Variants in ATF7IP2 observed in about 807,000 individuals in gnomAD.
The protein encoded by ATF7IP2 is activating transcription factor 7 interacting protein 2.
A neutral mutation model predicts 64.2 loss-of-function variants in ATF7IP2; 42 were observed. That is an observed-to-expected ratio of 0.65 (90% CI 0.51 to 0.85). The LOEUF is 0.85. Among genes scored for constraint, ATF7IP2 ranks in the 40% least tolerant of loss-of-function variants. The pLI, the probability that ATF7IP2 is intolerant of heterozygous loss-of-function variation, is 0.00. For missense variants in ATF7IP2, 933 were observed against 784.2 expected (o/e 1.19, Z -2.27); for synonymous variants, 308 against 272.8 (o/e 1.13, Z -1.27).
intron 2 of ATF7IP2, among the ~76,000 whole-genome samples, chr16:10,415,399 T>C (rs1181532690): frequency 6.6e-6 from 1 of 152,214 alleles, no homozygotes; most frequent in Non-Finnish European, 1.5e-5. Flanking sequence ...CTTCAATAAA[T>C]GGTGCTGGGA....
chr16:10,415,520 A>G (rs2047854575), intron 2 of ATF7IP2, among the ~76,000 whole-genome samples: 2 of 152,250 alleles, frequency 1.3e-5, no homozygotes, highest in Admixed American at 1.3e-4. Context: ...TGAAACTGCT[A>G]GAAGAAATCA....
intron 8 of ATF7IP2, among the ~76,000 whole-genome samples, chr16:10,451,913 C>A (rs1468444516): frequency 6.6e-6 from 1 of 151,940 alleles, no homozygotes; most frequent in Non-Finnish European, 1.5e-5. Context: ...AGTAGCTGGG[C>A]GTGGTGGTGC....
chr16:10,459,652 A>G (rs573633405), intron 9 of ATF7IP2, among the ~76,000 whole-genome samples: 3 of 152,286 alleles, frequency 2.0e-5, no homozygotes, highest in African/African-American at 7.2e-5. Context: ...ATCTCAAAAA[A>G]TAAAATAAAT....
intron 1 of ATF7IP2, among the ~76,000 whole-genome samples, chr16:10,403,696 C>T (rs567217717): frequency 6.6e-6 from 1 of 151,954 alleles, no homozygotes; most frequent in African/African-American, 2.4e-5. Flanking sequence ...TCTGAAAACC[C>T]ATACAAAGAA....
intron 1 of ATF7IP2, among the ~76,000 whole-genome samples, chr16:10,403,074 C>G (rs1330983265): frequency 2.6e-5 from 4 of 152,272 alleles, no homozygotes; most frequent in South Asian, 2.1e-4. Context: ...CTGTTTCCAT[C>G]TGTCTAGTGA....
intron 3 of ATF7IP2, among the ~76,000 whole-genome samples, chr16:10,427,841 A>G (rs2048116299): frequency 4.0e-5 from 6 of 151,480 alleles, no homozygotes; most frequent in African/African-American, 1.5e-4. Context: ...CAGAGCAGCA[A>G]GACCCTGTCT....
rs148860511 is a variant in ATF7IP2 at position 10,461,246 on chromosome 16, G to A, written c.1352+3717G>A. ...GGAGTAGTATTTAATGTTTTGTTGC[G>A]TGAGTAAATTGGTATAGTACTCTAA... is the stretch of plus-strand genomic sequence containing the variant. On this transcript the variant is annotated intron_variant, in intron 9 of 13. Transcript: ENST00000562102. 5.9e-5 allele frequency among the ~76,000 whole-genome samples: 9 copies of A among 152,146 alleles called. No individual in the cohort carries two copies. In the East Asian group the frequency reaches 9.7e-4, roughly 16 times the overall value.
At chr16:10,390,242 T>C (rs1446589694) in intron 1 of ATF7IP2, among the ~76,000 whole-genome samples, 1 of 152,162 alleles carries the variant, frequency 6.6e-6, no homozygotes, top group African/African-American at 2.4e-5. Context: ...TAAATCAGCA[T>C]GCACCCATAA....
intron 3 of ATF7IP2, among the ~76,000 whole-genome samples, chr16:10,426,773 T>C (rs2048093845): frequency 6.6e-6 from 1 of 152,092 alleles, no homozygotes; most frequent in Non-Finnish European, 1.5e-5. Flanking sequence ...ATATTAAAAT[T>C]AGGAAGAGCC....
At position 10,433,770 on chromosome 16, in the gene ATF7IP2, T is replaced by G. The variant is rs545497476; in HGVS notation, c.960+121T>G. 7 of 1,061,742 alleles carry G rather than the reference T, an allele frequency of 6.6e-6. No homozygotes were observed. In the East Asian group the frequency reaches 1.8e-4, roughly 27 times the overall value. The allele number at this position is 1,061,742 out of a possible 1,614,324, so 65.8% of individuals were successfully genotyped here. On this transcript the variant is annotated intron_variant, in intron 6 of 13. Transcript: ENST00000562102. ...ACTTTCACTTGCTGCAGAGCTGGTG[T>G]GTGAAAGCCAAATTATCAGACAGAC... is the stretch of plus-strand genomic sequence containing the variant.
intron 3 of ATF7IP2, among the ~76,000 whole-genome samples, chr16:10,422,380 A>C (rs1367033133): frequency 6.6e-6 from 1 of 152,094 alleles, no homozygotes; most frequent in African/African-American, 2.4e-5. Context: ...ACCCCGTTTC[A>C]TGCATCATAT....
chr16:10,478,840 G>T (rs1354958891), intron 12 of ATF7IP2, among the ~76,000 whole-genome samples: 1 of 152,152 alleles, frequency 6.6e-6, no homozygotes, highest in Non-Finnish European at 1.5e-5. Context: ...AGTAGGCGAA[G>T]GACATGAACA....
chr16:10,478,178 A>G (rs1393138278), intron 12 of ATF7IP2, among the ~76,000 whole-genome samples: 1 of 149,932 alleles, frequency 6.7e-6, no homozygotes, highest in Non-Finnish European at 1.5e-5. Flanking sequence ...GGAACCAAAA[A>G]AGAGCCCGCA....
chr16:10,403,454 A>C (rs2047574287), intron 1 of ATF7IP2, among the ~76,000 whole-genome samples: 1 of 152,200 alleles, frequency 6.6e-6, no homozygotes, highest in African/African-American at 2.4e-5. Flanking sequence ...ACCTCAAGAA[A>C]AAAAACTCCT....
intron 9 of ATF7IP2, among the ~76,000 whole-genome samples, chr16:10,470,231 TACAC>T (rs755432654): frequency 5.9e-5 from 9 of 152,028 alleles, no homozygotes; most frequent in Non-Finnish European, 1.3e-4. Context: ...ATTATATATA[TACAC>T]ACACACAAGC....
At chr16:10,443,943 C>G (rs1465639226) in intron 8 of ATF7IP2, among the ~76,000 whole-genome samples, 1 of 152,020 alleles carries the variant, frequency 6.6e-6, no homozygotes, top group Non-Finnish European at 1.5e-5. Flanking sequence ...GAAAGTCCAG[C>G]CTTGGTACTG....
intron 6 of ATF7IP2, among the ~76,000 whole-genome samples, chr16:10,436,647 T>C (rs572741377): frequency 6.6e-6 from 1 of 152,248 alleles, no homozygotes; most frequent in African/African-American, 2.4e-5. Context: ...ACGTAGGAAC[T>C]ATGTGTTCTA....
chr16:10,434,001 A>G (rs559085869), intron 6 of ATF7IP2, among the ~76,000 whole-genome samples: 1 of 152,300 alleles, frequency 6.6e-6, no homozygotes, highest in African/African-American at 2.4e-5. Context: ...CTTTTGTACT[A>G]GTCATGGGGT....
chr16:10,390,522 C>G (rs950333463), intron 1 of ATF7IP2, among the ~76,000 whole-genome samples: 5 of 152,136 alleles, frequency 3.3e-5, no homozygotes, highest in Admixed American at 6.5e-5. Flanking sequence ...CTGACTCATG[C>G]CTGTAATCCC....
Sources: allele counts gnomAD v4.1 joint callset (sites outside exome capture counted in the v4.1 genomes callset), GRCh38; gene constraint gnomAD v4.1.1; transcripts MANE v1.5; gene names NCBI Gene and HGNC (gene_info 2026-07-23, HGNC 2026-07-21).